Variants in UGGT2 observed in about 807,000 individuals in gnomAD.
The protein encoded by UGGT2 is UDP-glucose:glycoprotein glucosyltransferase 2.
Under a neutral mutation model 192.1 loss-of-function variants are expected in UGGT2, and 180 were observed. That is an observed-to-expected ratio of 0.94 (90% CI 0.83 to 1.06). UGGT2 has a LOEUF of 1.06. Among genes scored for constraint, UGGT2 ranks in the 50% least tolerant of loss-of-function variants. The probability of loss-of-function intolerance (pLI) is 0.00; values close to 1 mark genes in which losing one functional copy is unlikely to be tolerated. For synonymous variants in UGGT2, 580 were observed against 591.0 expected (o/e 0.98, Z 0.27); for missense variants, 1,849 against 1,795.7 (o/e 1.03, Z -0.54).
intron 12 of UGGT2, among the ~76,000 whole-genome samples, chr13:95,967,673 C>T (rs896519795): frequency 6.6e-6 from 1 of 151,932 alleles, no homozygotes; most frequent in Admixed American, 6.6e-5. Flanking sequence ...GGGGTTTCAC[C>T]ATGCTGGCCA....
At chr13:95,937,936 G>A (rs1031618324) in intron 16 of UGGT2, among the ~76,000 whole-genome samples, 6 of 152,150 alleles carry the variant, frequency 3.9e-5, no homozygotes, top group Admixed American at 6.5e-5. Flanking sequence ...ACATGTTGTG[G>A]GGGGACCCAG....
chr13:95,978,700 G>A (rs1594492378), intron 10 of UGGT2, among the ~76,000 whole-genome samples: 2 of 152,056 alleles, frequency 1.3e-5, no homozygotes, highest in African/African-American at 2.4e-5. Context: ...TTTGATTTTC[G>A]TATATGGTGA....
intron 4 of UGGT2, among the ~76,000 whole-genome samples, chr13:96,016,760 T>C (rs1166644993): frequency 6.6e-6 from 1 of 152,200 alleles, no homozygotes; most frequent in African/African-American, 2.4e-5. Context: ...CCCACCTGGA[T>C]ACTGCCTAGT....
In UGGT2 at chr13:95,939,935, T is replaced by TTTA. The variant is rs767785535; in HGVS notation, c.1812+21_1812+22insTAA. 6 of 1,577,446 alleles carry TTTA rather than the reference T, an allele frequency of 3.8e-6. No homozygotes were observed. In the East Asian group the frequency reaches 1.4e-4, roughly 36 times the overall value. On this transcript the variant is annotated intron_variant, in intron 16 of 38. Transcript: ENST00000376747. ...TCTTTCTGTGCCTGGCCTACTCCAC[T>TTTA]TAACATAATGTCCCAACTTACCTTT... is the stretch of plus-strand genomic sequence containing the variant.
chr13:96,041,402 A>AG (rs1380580293), intron 1 of UGGT2, among the ~76,000 whole-genome samples: 2 of 152,170 alleles, frequency 1.3e-5, no homozygotes, highest in Non-Finnish European at 2.9e-5. Flanking sequence ...GTCCTCGGGT[A>AG]GGGCTGCCAG....
intron 38 of UGGT2, among the ~76,000 whole-genome samples, chr13:95,803,275 T>C (rs1884151777): frequency 1.3e-5 from 2 of 151,946 alleles, no homozygotes; most frequent in African/African-American, 4.8e-5. Flanking sequence ...ATTTATTTTT[T>C]TGGAGACGAA....
Position 96,031,973 on chromosome 13 carries a change from T to C in UGGT2, c.159-2A>G. 6.2e-7 allele frequency: 1 copy of C among 1,604,388 alleles called. No homozygotes were observed. The highest frequency in any genetic ancestry group is 8.5e-7 in the Non-Finnish European group (1 of 1,172,920). Reference sequence around the variant, plus strand: ...TTACTTTCTTCTGCCATAAATTCACTATTAAAAAAATAGAAGTAATCGGTT... The same window carrying C: ...TTACTTTCTTCTGCCATAAATTCACCATTAAAAAAATAGAAGTAATCGGTT... On this transcript the variant is annotated splice_acceptor_variant, in intron 1 of 38. Coordinates refer to ENST00000376747, the MANE Select transcript of UGGT2 (RefSeq NM_020121.4). LOFTEE classifies it high-confidence loss of function.
chr13:95,855,529 C>A (rs1488643721), intron 34 of UGGT2, among the ~76,000 whole-genome samples: 1 of 113,538 alleles, frequency 8.8e-6, no homozygotes, highest in Non-Finnish European at 1.8e-5. Flanking sequence ...AATTTATTTG[C>A]TTTTATTTTT....
intron 17 of UGGT2, among the ~76,000 whole-genome samples, chr13:95,929,191 G>T (rs571810422): frequency 6.6e-5 from 10 of 152,162 alleles, no homozygotes; most frequent in African/African-American, 2.4e-4. Context: ...AGGGAGAGGG[G>T]GAGGGAGAAT....
At chr13:95,867,639 T>C (rs1189687916) in intron 29 of UGGT2, among the ~76,000 whole-genome samples, 1 of 152,176 alleles carries the variant, frequency 6.6e-6, no homozygotes, top group Non-Finnish European at 1.5e-5. Context: ...ATTAAAATTG[T>C]ACAAAAGTAA....
At chr13:95,820,111 C>G (rs1044855047) in intron 38 of UGGT2, among the ~76,000 whole-genome samples, 1 of 151,968 alleles carries the variant, frequency 6.6e-6, no homozygotes, top group Non-Finnish European at 1.5e-5. Context: ...TGAGACTGCA[C>G]CACTGTATTC....
At chr13:95,883,302 AG>A (rs1413742250) in intron 27 of UGGT2, among the ~76,000 whole-genome samples, 3 of 152,246 alleles carry the variant, frequency 2.0e-5, no homozygotes. Flanking sequence ...GCTTCAGTCA[AG>A]GCAATGGCTA....
intron 10 of UGGT2, among the ~76,000 whole-genome samples, chr13:95,974,790 TTAATAA>T (rs2050884401): frequency 1.3e-5 from 2 of 152,104 alleles, no homozygotes; most frequent in Admixed American, 1.3e-4. Flanking sequence ...GATTTAAATA[TTAATAA>T]TGAGACTGGG....
In UGGT2 at chr13:95,925,746, G is replaced by C; in HGVS notation, c.2229C>G (p.Leu743=). ...DDESIISAVT[L]WIIADFDKPS... ...GCTTATCAAAATCTGCAATAATCCAGAGAGTGACTGCAGAAATTATACTCT... is the reference window on the plus strand; with the variant it reads ...GCTTATCAAAATCTGCAATAATCCACAGAGTGACTGCAGAAATTATACTCT... The change falls in exon 20 of 39, where the codon CTC becomes CTG. Residue 743 remains leucine, a synonymous_variant. Transcript: ENST00000376747. 6.4e-7 allele frequency: 1 copy of C among 1,567,914 alleles called. No homozygotes were observed. Among genetic ancestry groups the C allele is most frequent in the Non-Finnish European group, 8.7e-7 (1 of 1,153,418 alleles).
intron 13 of UGGT2, among the ~76,000 whole-genome samples, chr13:95,948,468 AATAGC>A (rs1410059429): frequency 6.6e-6 from 1 of 152,212 alleles, no homozygotes; most frequent in Non-Finnish European, 1.5e-5. Context: ...ACCAAAAAAA[AATAGC>A]ATTAACATAA....
intron 33 of UGGT2, 75 bp downstream of exon 33, chr13:95,859,513 TATC>T: frequency 8.7e-7 from 1 of 1,153,836 alleles, no homozygotes; most frequent in Non-Finnish European, 1.2e-6. Flanking sequence ...AAAAGAGAAA[TATC>T]ATATAAACTT....
intron 36 of UGGT2, among the ~76,000 whole-genome samples, chr13:95,848,217 G>C (rs1022716954): frequency 6.6e-6 from 1 of 152,132 alleles, no homozygotes; most frequent in Non-Finnish European, 1.5e-5. Flanking sequence ...TTTATCAGAT[G>C]CATCTTTTAC....
At chr13:95,890,096 C>T (rs1285613976) in intron 25 of UGGT2, among the ~76,000 whole-genome samples, 1 of 152,140 alleles carries the variant, frequency 6.6e-6, no homozygotes, top group Non-Finnish European at 1.5e-5. Flanking sequence ...TTATTTTGGC[C>T]TTTGTTATAG....
At chr13:95,846,309 C>T (rs1451918308) in intron 36 of UGGT2, among the ~76,000 whole-genome samples, 6 of 152,036 alleles carry the variant, frequency 3.9e-5, no homozygotes, top group Non-Finnish European at 7.4e-5. Context: ...CCTGCAATCC[C>T]AGGCACTCGG....
Sources: allele counts gnomAD v4.1 joint callset (sites outside exome capture counted in the v4.1 genomes callset), GRCh38; gene constraint gnomAD v4.1.1; transcripts MANE v1.5; gene names NCBI Gene and HGNC (gene_info 2026-07-23, HGNC 2026-07-21).